PABPC4L: variants seen among roughly 807,000 people sequenced by gnomAD.
PABPC4L encodes the protein polyadenylate-binding protein 4-like.
For missense variants in PABPC4L, 452 were observed against 451.4 expected, an observed-to-expected ratio of 1.00 and a Z score of -0.01; for synonymous variants, 169 against 164.1, an observed-to-expected ratio of 1.03 and a Z score of -0.23.
At chr4:134,185,194 G>A in the PABPC4L span, among the ~76,000 whole-genome samples, 1 of 151,630 alleles carries the variant, frequency 6.6e-6, no homozygotes, top group African/African-American at 2.4e-5. Context: ...TTGTGTCTTT[G>A]GTGTGGTATC....
chr4:134,195,854 G>A (rs903442034), downstream of PABPC4L, among the ~76,000 whole-genome samples: 1 of 151,612 alleles, frequency 6.6e-6, no homozygotes, highest in Admixed American at 6.6e-5. Flanking sequence ...AAATGTATGT[G>A]TAACTCAGAT....
chr4:134,074,160 C>G, the PABPC4L span, among the ~76,000 whole-genome samples: 4 of 152,146 alleles, frequency 2.6e-5, no homozygotes, highest in Admixed American at 6.6e-5. Context: ...TTATGCTCTG[C>G]TTCCTCTTGA....
the PABPC4L span, among the ~76,000 whole-genome samples, chr4:134,142,262 C>T: frequency 1.3e-5 from 2 of 151,592 alleles, no homozygotes; most frequent in Non-Finnish European, 3.0e-5. Flanking sequence ...TTCTGCTGAT[C>T]TTTCAAAACA....
At chr4:134,201,463 T>G in intron 1 of PABPC4L, among the ~76,000 whole-genome samples, 1 of 151,730 alleles carries the variant, frequency 6.6e-6, no homozygotes, top group South Asian at 2.1e-4. Flanking sequence ...GCCCCAGCCG[T>G]GGAGTATGGG....
At chr4:134,002,649 A>G in the PABPC4L span, among the ~76,000 whole-genome samples, 2 of 152,010 alleles carry the variant, frequency 1.3e-5, no homozygotes, top group African/African-American at 2.4e-5. Flanking sequence ...AATGATAAGT[A>G]TCACCTTATA....
At chr4:134,156,453 T>A in the PABPC4L span, among the ~76,000 whole-genome samples, 30 of 151,980 alleles carry the variant, frequency 2.0e-4, no homozygotes, top group African/African-American at 6.5e-4. Flanking sequence ...CCAAGGATAT[T>A]CAGCAGCTTT....
At chr4:133,954,334 T>G in the PABPC4L span, among the ~76,000 whole-genome samples, 13 of 152,316 alleles carry the variant, frequency 8.5e-5, no homozygotes, top group African/African-American at 2.2e-4. Context: ...ACGAATTACC[T>G]GATTCAACAA....
the PABPC4L span, among the ~76,000 whole-genome samples, chr4:133,954,971 C>T: frequency 6.6e-6 from 1 of 152,086 alleles, no homozygotes; most frequent in African/African-American, 2.4e-5. Flanking sequence ...TTCCCATGCT[C>T]ACCAGATTTT....
chr4:134,122,133 CA>C, the PABPC4L span, among the ~76,000 whole-genome samples: 1 of 151,786 alleles, frequency 6.6e-6, no homozygotes, highest in East Asian at 1.9e-4. Context: ...GTTTGGTCAA[CA>C]AAGTCAACTG....
At chr4:133,994,468 C>A in the PABPC4L span, among the ~76,000 whole-genome samples, 23 of 152,194 alleles carry the variant, frequency 1.5e-4, no homozygotes, top group Non-Finnish European at 3.2e-4. Flanking sequence ...CTTTTCTTCC[C>A]TCCGAATCCC....
At chr4:133,974,722 C>T in the PABPC4L span, among the ~76,000 whole-genome samples, 9 of 152,008 alleles carry the variant, frequency 5.9e-5, no homozygotes, top group South Asian at 4.1e-4. Context: ...TTTTAACATA[C>T]GTCTCTCCAA....
At chr4:133,979,744 A>C in the PABPC4L span, among the ~76,000 whole-genome samples, 1 of 152,270 alleles carries the variant, frequency 6.6e-6, no homozygotes, top group Admixed American at 6.5e-5. Context: ...ACTGTCTAAA[A>C]TCTATGGATT....
chr4:134,070,638 T>A, the PABPC4L span, among the ~76,000 whole-genome samples: 2 of 151,574 alleles, frequency 1.3e-5, no homozygotes, highest in South Asian at 4.2e-4. Flanking sequence ...GGCAAAGCAG[T>A]GGGGGTGTGG....
the PABPC4L span, among the ~76,000 whole-genome samples, chr4:134,159,369 G>A: frequency 4.6e-5 from 7 of 152,154 alleles, no homozygotes; most frequent in South Asian, 4.1e-4. Context: ...CATAGTACCC[G>A]GCTGTAACAG....
the PABPC4L span, among the ~76,000 whole-genome samples, chr4:134,142,023 AG>A: frequency 6.6e-6 from 1 of 151,740 alleles, no homozygotes; most frequent in African/African-American, 2.4e-5. Flanking sequence ...ATGGATTGAA[AG>A]GTGTATTTCA....
At chr4:134,003,449 C>G in the PABPC4L span, among the ~76,000 whole-genome samples, 396 of 151,830 alleles carry the variant, frequency 2.6e-3, 2 homozygotes, top group African/African-American at 8.9e-3. Flanking sequence ...GGGCTTTTGT[C>G]TATTTTTTCC....
At chr4:134,123,484 T>C in the PABPC4L span, among the ~76,000 whole-genome samples, 2 of 152,046 alleles carry the variant, frequency 1.3e-5, no homozygotes, top group Non-Finnish European at 2.9e-5. Flanking sequence ...TTTGGTGCAG[T>C]GCACATGTCT....
At chr4:134,155,663 G>A in the PABPC4L span, among the ~76,000 whole-genome samples, 1 of 151,918 alleles carries the variant, frequency 6.6e-6, no homozygotes, top group Non-Finnish European at 1.5e-5. Flanking sequence ...ATTATGACAA[G>A]ATTAGAACAA....
chr4:134,196,311 T>C (rs1219211427), downstream of PABPC4L: 3 of 151,622 alleles, frequency 2.0e-5, no homozygotes, highest in African/African-American at 4.8e-5. Context: ...TTATAATAAA[T>C]AAAAATCATT....
Sources: gnomAD v4.1 joint callset for allele counts (sites outside exome capture counted in the v4.1 genomes callset) on GRCh38, gnomAD v4.1.1 for gene constraint, MANE v1.5 for transcripts, NCBI Gene and HGNC (gene_info 2026-07-23, HGNC 2026-07-21) for gene names.